The following CPNE4 variants were observed in gnomAD, a reference collection of about 807,000 sequenced individuals.
CPNE4 encodes the protein copine 4.
A neutral mutation model predicts 67.9 loss-of-function variants in CPNE4; 25 were observed. The observed-to-expected ratio is 0.37, with a 90% CI of 0.27 to 0.51. CPNE4 has a LOEUF of 0.51. CPNE4 is among the 20% of genes least tolerant of loss of function. The probability of loss-of-function intolerance (pLI) is 0.93; values close to 1 mark genes in which losing one functional copy is unlikely to be tolerated. For missense variants in CPNE4, 464 were observed against 690.8 expected (o/e 0.67, Z 3.68); for synonymous variants, 242 against 244.9 (o/e 0.99, Z 0.11).
At chr3:131,748,334 A>T (rs1445694653) in intron 2 of CPNE4, among the ~76,000 whole-genome samples, 1 of 151,994 alleles carries the variant, frequency 6.6e-6, no homozygotes, top group Non-Finnish European at 1.5e-5. Flanking sequence ...AATTCTTTTT[A>T]TATAATGCTG....
rs1009424511 is a variant in CPNE4, at chr3:131,723,678, C to G, written c.181-53G>C. The G allele has an allele frequency of 2.0e-6, 3 of 1,491,954 alleles. No homozygotes were observed. The African/African-American group carries it at 4.2e-5, about 21-fold the overall frequency. The allele number at this position is 1,491,954 out of a possible 1,614,324, so 92.4% of individuals were successfully genotyped here. A position where few individuals can be genotyped will look rare whatever the true frequency, so the allele number is the denominator to read the frequency against. On this transcript the variant is annotated intron_variant, in intron 2 of 15. Coordinates refer to ENST00000429747, the MANE Select transcript of CPNE4 (RefSeq NM_130808.3). ...GAGATAAGGATTATTTTTATTATTA[C>G]CGTTCAAGAAAATTCATCTCAGAGC...
chr3:131,970,474 T>C (rs2072472708), intron 1 of CPNE4, among the ~76,000 whole-genome samples: 1 of 152,228 alleles, frequency 6.6e-6, no homozygotes, highest in Admixed American at 6.5e-5. Context: ...TAGAAATTGG[T>C]CTAATCCCAA....
chr3:131,575,445 A>T (rs1937527875), intron 9 of CPNE4, among the ~76,000 whole-genome samples: 1 of 152,172 alleles, frequency 6.6e-6, no homozygotes, highest in Non-Finnish European at 1.5e-5. Context: ...TACTGTTTTG[A>T]AATCAATGAT....
chr3:131,538,184 G>T (rs1450329499), intron 15 of CPNE4, among the ~76,000 whole-genome samples: 1 of 152,248 alleles, frequency 6.6e-6, no homozygotes, highest in Non-Finnish European at 1.5e-5. Context: ...TTCCTCTGAT[G>T]ATGGTAATAT....
At chr3:131,660,961 C>G (rs1186433034) in intron 7 of CPNE4, among the ~76,000 whole-genome samples, 1 of 151,964 alleles carries the variant, frequency 6.6e-6, no homozygotes, top group Non-Finnish European at 1.5e-5. Flanking sequence ...CTGATGGATC[C>G]AAACAAAAAT....
intron 2 of CPNE4, among the ~76,000 whole-genome samples, chr3:131,849,003 C>T (rs909929040): frequency 6.8e-6 from 1 of 146,112 alleles, no homozygotes; most frequent in Non-Finnish European, 1.5e-5. Flanking sequence ...TCATCCACCT[C>T]CTCTTTCTGT....
At position 131,809,784 on chromosome 3, in the gene CPNE4, A is replaced by C. The variant is rs566677499; in HGVS notation, c.181-86159T>G. Among the ~76,000 whole-genome samples the C allele has an allele frequency of 2.0e-5, 3 of 152,242 alleles. No individual in the cohort carries two copies. In the South Asian group the frequency reaches 6.2e-4, roughly 32 times the overall value. ...GCAAATGTAACACAAAAAGGTAATA[A>C]ATATTTCCAAGGGGACCAGGCTAAA... On this transcript the variant is annotated intron_variant, in intron 2 of 15. Coordinates refer to ENST00000429747, the MANE Select transcript of CPNE4 (RefSeq NM_130808.3).
At position 131,533,764 on chromosome 3, in the gene CPNE4, A is replaced by C. The variant is rs1308360416; in HGVS notation, c.*1431T>G. On this transcript the variant is annotated 3_prime_UTR_variant, in exon 16 of 16. Transcript: ENST00000429747. ...CTTGTTAATACTGCTCCCCTCTTCA[A>C]ACAAACAACAAATTTTGCCTTGTGA... 2.0e-5 allele frequency: 3 copies of C among 152,210 alleles called. No individual in the cohort carries two copies. The highest frequency in any genetic ancestry group is 4.4e-5 in the Non-Finnish European group (3 of 68,016). The allele number at this position is 152,210 out of a possible 1,614,324, so 9.4% of individuals were successfully genotyped here.
intron 7 of CPNE4, among the ~76,000 whole-genome samples, chr3:131,595,507 C>A (rs966973368): frequency 1.3e-5 from 2 of 152,176 alleles, no homozygotes; most frequent in African/African-American, 4.8e-5. Flanking sequence ...TCTCATGGTT[C>A]TGCAAGCTAT....
At chr3:131,672,903 A>C (rs1334981911) in intron 6 of CPNE4, among the ~76,000 whole-genome samples, 21 of 152,036 alleles carry the variant, frequency 1.4e-4, no homozygotes, top group Admixed American at 1.1e-3. Flanking sequence ...TTATTCAAGA[A>C]ATCTTTACCC....
At chr3:131,979,137 C>T (rs2072836394) in intron 1 of CPNE4, among the ~76,000 whole-genome samples, 1 of 152,024 alleles carries the variant, frequency 6.6e-6, no homozygotes, top group Non-Finnish European at 1.5e-5. Flanking sequence ...GAAAGTTCTA[C>T]TCACTGTTGA....
At chr3:131,726,804 C>G (rs962995142) in intron 2 of CPNE4, among the ~76,000 whole-genome samples, 13 of 151,572 alleles carry the variant, frequency 8.6e-5, no homozygotes, top group African/African-American at 3.2e-4. Context: ...ATGGTAGGAC[C>G]CAGAAATCTC....
At chr3:131,656,892 A>T (rs959775815) in intron 7 of CPNE4, among the ~76,000 whole-genome samples, 1 of 152,166 alleles carries the variant, frequency 6.6e-6, no homozygotes, top group African/African-American at 2.4e-5. Flanking sequence ...ATGGGGAGGC[A>T]ATGGAGAGGG....
chr3:131,700,011 G>C (rs764911303), intron 3 of CPNE4, 31 bp from the exon 4 acceptor site: 1 of 1,465,978 alleles, frequency 6.8e-7, no homozygotes, highest in Non-Finnish European at 9.4e-7. Flanking sequence ...GGTAACAAAA[G>C]GTAGAGATAC....
rs374112978 is a variant in CPNE4 at position 131,555,521 on chromosome 3, G to A, written c.1092C>T (p.Gly364=). 190 of 1,612,496 alleles carry A rather than the reference G, an allele frequency of 1.2e-4. No individual in the cohort carries two copies. The highest frequency in any genetic ancestry group is 1.5e-4 in the Non-Finnish European group (171 of 1,179,200). The stretch of plus-strand genomic sequence containing the variant: ...CCGTGTACTCTGGAGGTATCCTGGC[G>A]CCAAACCCAAAGGCAGGGAACATTT... ...SDKMFPAFGF[G]ARIPPEYTVS... Residue 364 remains glycine (G), a synonymous_variant, in exon 12 of 16, where the codon GGC becomes GGT. Coordinates refer to ENST00000429747, the MANE Select transcript of CPNE4 (RefSeq NM_130808.3).
intron 2 of CPNE4, among the ~76,000 whole-genome samples, chr3:131,809,872 T>TTAGA (rs1230434228): frequency 6.6e-6 from 1 of 152,040 alleles, no homozygotes; most frequent in Non-Finnish European, 1.5e-5. Context: ...AATCAGGATA[T>TTAGA]TAGACTTTAT....
At chr3:131,640,066 A>G (rs1582940005) in intron 7 of CPNE4, among the ~76,000 whole-genome samples, 2 of 152,320 alleles carry the variant, frequency 1.3e-5, no homozygotes, top group Admixed American at 1.3e-4. Flanking sequence ...TGAATGGGGA[A>G]AAGTTGAAAG....
At chr3:132,024,918 T>C (rs576005696) in intron 1 of CPNE4, among the ~76,000 whole-genome samples, 6 of 152,316 alleles carry the variant, frequency 3.9e-5, no homozygotes, top group African/African-American at 1.2e-4. Context: ...CTTGTCTACA[T>C]AAAGTAAATA....
intron 7 of CPNE4, among the ~76,000 whole-genome samples, chr3:131,643,389 GC>G (rs909796256): frequency 1.1e-4 from 16 of 152,192 alleles, no homozygotes; most frequent in African/African-American, 3.9e-4. Context: ...CTTTGTTTTA[GC>G]CAATTTATCC....
Sources: allele counts gnomAD v4.1 joint callset (sites outside exome capture counted in the v4.1 genomes callset), GRCh38; gene constraint gnomAD v4.1.1; transcripts MANE v1.5; gene names NCBI Gene and HGNC (gene_info 2026-07-23, HGNC 2026-07-21).